LARGE1: variants seen among roughly 807,000 people sequenced by gnomAD.
LARGE1 encodes the protein LARGE xylosyl- and glucuronyltransferase 1, also known as xylosyl- and glucuronyltransferase LARGE1.
Under a neutral mutation model 87.6 loss-of-function variants are expected in LARGE1, and 43 were observed. That is an observed-to-expected ratio of 0.49 (90% CI 0.38 to 0.63). The LOEUF is 0.63. LARGE1 is among the 30% of genes least tolerant of loss of function. LARGE1 has a pLI of 0.00. For synonymous variants in LARGE1, 434 were observed against 394.6 expected, an observed-to-expected ratio of 1.10 and a Z score of -1.18; for missense variants, 802 against 1,000.2, an observed-to-expected ratio of 0.80 and a Z score of 2.67.
intron 10 of LARGE1, among the ~76,000 whole-genome samples, chr22:33,332,979 T>C (rs927038267): frequency 1.3e-5 from 2 of 151,612 alleles, no homozygotes; most frequent in Non-Finnish European, 2.9e-5. Context: ...CAGAGCCCCA[T>C]CCATCATGTT....
intron 9 of LARGE1, among the ~76,000 whole-genome samples, chr22:33,372,377 T>C (rs2064842149): frequency 6.6e-6 from 1 of 152,178 alleles, no homozygotes; most frequent in Admixed American, 6.5e-5. Flanking sequence ...ATTAATCCAT[T>C]TTCATGTTGC....
chr22:33,591,494 T>A (rs56676476), intron 5 of LARGE1, among the ~76,000 whole-genome samples: 12,840 of 152,238 alleles, frequency 0.084, 669 homozygotes, highest in African/African-American at 0.14. Context: ...TGCTCATTTC[T>A]AAATTGGGTT....
intron 1 of LARGE1, among the ~76,000 whole-genome samples, chr22:33,899,055 T>C (rs1024151253): frequency 3.3e-5 from 5 of 152,242 alleles, no homozygotes; most frequent in African/African-American, 9.6e-5. Context: ...CCCTGCAGTA[T>C]GGAGACATCA....
At chr22:33,136,108 A>G in the LARGE1 span, among the ~76,000 whole-genome samples, 1 of 152,332 alleles carries the variant, frequency 6.6e-6, no homozygotes, top group African/African-American at 2.4e-5. Flanking sequence ...TAATAGGACA[A>G]TAGGACAGAA....
chr22:33,869,098 G>C (rs971504936), intron 1 of LARGE1, among the ~76,000 whole-genome samples: 1 of 152,162 alleles, frequency 6.6e-6, no homozygotes, highest in Non-Finnish European at 1.5e-5. Context: ...TCTGAAGGGA[G>C]ACCCTTTCAT....
At chr22:33,683,319 G>A (rs1405215219) in intron 2 of LARGE1, among the ~76,000 whole-genome samples, 1 of 152,218 alleles carries the variant, frequency 6.6e-6, no homozygotes, top group Non-Finnish European at 1.5e-5. Flanking sequence ...TCTGACAGCT[G>A]AGCTGGGACA....
intron 11 of LARGE1, among the ~76,000 whole-genome samples, chr22:33,226,725 T>C (rs950448158): frequency 1.7e-4 from 20 of 115,700 alleles, no homozygotes; most frequent in Admixed American, 6.6e-4. Flanking sequence ...TTATTATTAT[T>C]ATTTATTATT....
intron 11 of LARGE1, among the ~76,000 whole-genome samples, chr22:33,195,305 C>T (rs914181356): frequency 1.3e-5 from 2 of 152,074 alleles, no homozygotes; most frequent in African/African-American, 2.4e-5. Context: ...AGCAGAGAAA[C>T]GATCTGAACA....
chr22:33,206,360 G>A (rs1220086042), intron 11 of LARGE1, among the ~76,000 whole-genome samples: 2 of 152,056 alleles, frequency 1.3e-5, no homozygotes, highest in African/African-American at 4.8e-5. Context: ...CCAAAGTGTT[G>A]GGATTACAGG....
intron 9 of LARGE1, among the ~76,000 whole-genome samples, chr22:33,376,843 A>G (rs769977194): frequency 4.6e-5 from 7 of 152,234 alleles, no homozygotes; most frequent in Non-Finnish European, 8.8e-5. Context: ...ACACATGCCT[A>G]TGGAACAGAC....
intron 2 of LARGE1, chr22:33,724,222 G>A (rs2083197650): frequency 6.6e-6 from 1 of 152,542 alleles, no homozygotes; most frequent in Non-Finnish European, 1.5e-5. Flanking sequence ...ATGACGCAGA[G>A]TGGAAGACAA....
intron 6 of LARGE1, among the ~76,000 whole-genome samples, chr22:33,447,222 T>C (rs1050643232): frequency 1.3e-5 from 2 of 152,220 alleles, no homozygotes; most frequent in African/African-American, 4.8e-5. Context: ...GAGAACATCC[T>C]TGCCACTATG....
At chr22:33,251,145 C>A (rs1926993384) in intron 11 of LARGE1, among the ~76,000 whole-genome samples, 1 of 152,194 alleles carries the variant, frequency 6.6e-6, no homozygotes, top group Non-Finnish European at 1.5e-5. Context: ...CCTTGACACC[C>A]TACACTACTG....
chr22:33,177,520 T>C (rs1922938491), intron 11 of LARGE1, among the ~76,000 whole-genome samples: 1 of 152,146 alleles, frequency 6.6e-6, no homozygotes, highest in Non-Finnish European at 1.5e-5. Context: ...AGAGAAAATA[T>C]AGAATTAATT....
intron 9 of LARGE1, among the ~76,000 whole-genome samples, chr22:33,347,717 C>T (rs558156927): frequency 5.9e-5 from 9 of 152,198 alleles, no homozygotes; most frequent in African/African-American, 1.2e-4. Context: ...CTGAGCTGCA[C>T]TTAGTTGCTA....
intron 6 of LARGE1, among the ~76,000 whole-genome samples, chr22:33,512,928 G>A (rs1013139556): frequency 9.2e-5 from 14 of 152,106 alleles, no homozygotes; most frequent in African/African-American, 2.7e-4. Flanking sequence ...TCTATAATAA[G>A]CAAACACATT....
intron 12 of LARGE1, among the ~76,000 whole-genome samples, chr22:33,292,742 A>G (rs1483100563): frequency 6.6e-6 from 1 of 152,156 alleles, no homozygotes; most frequent in Non-Finnish European, 1.5e-5. Context: ...GTGGCATGCC[A>G]GTTTGAAGGG....
Position 33,602,907 on chromosome 22 carries a change from G to A in LARGE1, c.615+1528C>T, listed in dbSNP as rs546453391. ...AAGAAAGGTAAATGGTGAACACAGC[G>A]GCAGAGGCATCCTTCGGAACCAGCT... On this transcript the variant is annotated intron_variant, in intron 5 of 14. Transcript: ENST00000397394. Among the ~76,000 whole-genome samples the A allele has an allele frequency of 6.6e-5, 10 of 152,292 alleles. No individual in the cohort carries two copies. In the South Asian group the frequency reaches 8.3e-4, roughly 13 times the overall value.
chr22:33,606,396 C>G (rs2148988754), intron 4 of LARGE1, among the ~76,000 whole-genome samples: 1 of 144,500 alleles, frequency 6.9e-6, no homozygotes, highest in Middle Eastern at 3.5e-3. Flanking sequence ...TGGAGCGAGA[C>G]CCCATCACAA....
Sources: gnomAD v4.1 joint callset for allele counts (sites outside exome capture counted in the v4.1 genomes callset) on GRCh38, gnomAD v4.1.1 for gene constraint, MANE v1.5 for transcripts, NCBI Gene and HGNC (gene_info 2026-07-23, HGNC 2026-07-21) for gene names.